The following STPG2 variants were observed in gnomAD, a reference collection of about 807,000 sequenced individuals.
STPG2 encodes sperm tail PG-rich repeat containing 2, also known as sperm-tail PG-rich repeat-containing protein 2.
STPG2 carries 56 observed loss-of-function variants against 54.2 expected under a neutral mutation model. The ratio of observed to expected loss-of-function variants is 1.03; its 90% CI spans 0.83 to 1.29. STPG2 has a LOEUF of 1.29. STPG2 is among the 50% of genes most tolerant of loss of function. STPG2 has a pLI of 0.00. For synonymous variants in STPG2, 200 were observed against 181.8 expected, an observed-to-expected ratio of 1.10 and a Z score of -0.81; for missense variants, 596 against 544.9, an observed-to-expected ratio of 1.09 and a Z score of -0.93.
chr4:97,601,342 AAT>A (rs1217408898), intron 10 of STPG2, among the ~76,000 whole-genome samples: 2 of 152,082 alleles, frequency 1.3e-5, no homozygotes, highest in Non-Finnish European at 2.9e-5. Flanking sequence ...GACTTCTTCT[AAT>A]ATGTTAAGCA....
intron 9 of STPG2, among the ~76,000 whole-genome samples, chr4:97,716,079 CAT>C (rs1264334744): frequency 1.2e-4 from 19 of 152,098 alleles, no homozygotes; most frequent in African/African-American, 4.3e-4. Flanking sequence ...GGCCAACAAA[CAT>C]ATGAAAAAAA....
At chr4:97,931,691 T>A (rs1315707552) in intron 8 of STPG2, among the ~76,000 whole-genome samples, 3 of 152,038 alleles carry the variant, frequency 2.0e-5, no homozygotes, top group Non-Finnish European at 2.9e-5. Context: ...TTTGTTGTTT[T>A]TTTATCTTTT....
chr4:97,689,525 G>A (rs547435164), intron 10 of STPG2, among the ~76,000 whole-genome samples: 6 of 152,104 alleles, frequency 3.9e-5, no homozygotes, highest in Non-Finnish European at 7.4e-5. Flanking sequence ...CTTTCAAATA[G>A]GGAAGTCGAT....
chr4:97,977,388 C>T (rs1286099534), intron 6 of STPG2, among the ~76,000 whole-genome samples: 3 of 152,176 alleles, frequency 2.0e-5, no homozygotes, highest in Non-Finnish European at 2.9e-5. Context: ...AAGACCTTTT[C>T]ACCTTTGGAG....
chr4:97,582,077 C>T (rs1198761802), intron 10 of STPG2, among the ~76,000 whole-genome samples: 1 of 151,866 alleles, frequency 6.6e-6, no homozygotes, highest in Non-Finnish European at 1.5e-5. Flanking sequence ...CAAGCATCTG[C>T]AGCTACATTC....
At chr4:97,825,171 T>G (rs542904439) in intron 9 of STPG2, among the ~76,000 whole-genome samples, 1 of 152,260 alleles carries the variant, frequency 6.6e-6, no homozygotes, top group Admixed American at 6.5e-5. Flanking sequence ...TCTCTTTTCC[T>G]CATGAAATCC....
intron 4 of STPG2, among the ~76,000 whole-genome samples, chr4:97,452,592 A>T (rs1729405830): frequency 6.6e-6 from 1 of 152,128 alleles, no homozygotes. Context: ...AACTACAAAG[A>T]GGAGCAACCC....
intron 9 of STPG2, among the ~76,000 whole-genome samples, chr4:97,798,432 C>T (rs1054508436): frequency 6.6e-6 from 1 of 152,096 alleles, no homozygotes; most frequent in African/African-American, 2.4e-5. Context: ...GACTTCATTT[C>T]GTTATGAACC....
chr4:97,683,237 A>G (rs1248870058), intron 10 of STPG2, among the ~76,000 whole-genome samples: 1 of 151,854 alleles, frequency 6.6e-6, no homozygotes, highest in Non-Finnish European at 1.5e-5. Context: ...TGATGCATAC[A>G]TAGAATTACA....
intron 9 of STPG2, among the ~76,000 whole-genome samples, chr4:97,800,941 A>G (rs1727373958): frequency 6.6e-6 from 1 of 152,180 alleles, no homozygotes; most frequent in South Asian, 2.1e-4. Context: ...CTGCTGTGCT[A>G]GCAATGAGCA....
At chr4:98,046,239 T>TCCCC (rs1335860945) in intron 5 of STPG2, among the ~76,000 whole-genome samples, 2 of 152,160 alleles carry the variant, frequency 1.3e-5, no homozygotes, top group Non-Finnish European at 2.9e-5. Context: ...AATTCTCACA[T>TCCCC]TGTTCATACA....
chr4:98,071,632 A>T (rs993061748), intron 5 of STPG2, among the ~76,000 whole-genome samples: 1 of 152,212 alleles, frequency 6.6e-6, no homozygotes, highest in Non-Finnish European at 1.5e-5. Flanking sequence ...TAGACAACCT[A>T]AAGAATGGGA....
chr4:97,574,706 C>A (rs534897831), intron 10 of STPG2, among the ~76,000 whole-genome samples: 2 of 151,636 alleles, frequency 1.3e-5, no homozygotes, highest in Non-Finnish European at 1.5e-5. Flanking sequence ...TCCTTTTCAG[C>A]AAAAAAGTGG....
Position 97,800,622 on chromosome 4 carries a change from A to T in STPG2, c.1204+40151T>A, listed in dbSNP as rs563548742. ...GGGGTGCCTCCCAGTTAGGCTACTC[A>T]GGGGTCAGGGACCCACTTGAGGAGG... On this transcript the variant is annotated intron_variant, in intron 9 of 10. Transcript: ENST00000295268. Among the ~76,000 whole-genome samples, 220 of 152,258 alleles carry T rather than the reference A, an allele frequency of 1.4e-3. 1 individual carries two copies. The highest frequency in any genetic ancestry group is 4.5e-3 in the African/African-American group (188 of 41,560).
At chr4:97,512,902 C>A (rs1044689401) in intron 4 of STPG2, among the ~76,000 whole-genome samples, 24 of 152,110 alleles carry the variant, frequency 1.6e-4, no homozygotes, top group Admixed American at 1.4e-3. Flanking sequence ...CAGCAGACAC[C>A]AGCTGGATGT....
intron 10 of STPG2, among the ~76,000 whole-genome samples, chr4:97,575,398 C>T (rs1272566176): frequency 6.6e-6 from 1 of 152,084 alleles, no homozygotes; most frequent in Non-Finnish European, 1.5e-5. Context: ...CCAAATCCAG[C>T]AGCACATCAA....
rs529644099 is a variant in STPG2, at chr4:97,923,195, C to T, written c.1044+20702G>A. Among the ~76,000 whole-genome samples the T allele has an allele frequency of 3.1e-3, 476 of 152,376 alleles. 1 individual carries two copies. The highest frequency in any genetic ancestry group is 5.6e-3 in the Non-Finnish European group (382 of 68,030). On this transcript the variant is annotated intron_variant, in intron 8 of 10. Transcript: ENST00000295268. ...CAGCCTGCCGCTGCACTGTGGGAGC[C>T]CCTTTCTGGGATGGCCCAGGCCGGA...
chr4:97,549,362 C>T (rs1260622348), intron 4 of STPG2, among the ~76,000 whole-genome samples: 1 of 152,140 alleles, frequency 6.6e-6, no homozygotes, highest in Admixed American at 6.5e-5. Context: ...AAATTAGTTT[C>T]ACTATATCTA....
chr4:97,674,359 T>C (rs1435689015), intron 10 of STPG2, among the ~76,000 whole-genome samples: 1 of 152,204 alleles, frequency 6.6e-6, no homozygotes, highest in Non-Finnish European at 1.5e-5. Flanking sequence ...ATTTTAAATG[T>C]GATTCATAAT....
Sources: gnomAD v4.1 joint callset for allele counts (sites outside exome capture counted in the v4.1 genomes callset) on GRCh38, gnomAD v4.1.1 for gene constraint, MANE v1.5 for transcripts, NCBI Gene and HGNC (gene_info 2026-07-23, HGNC 2026-07-21) for gene names.